Variants in MYO1H observed in about 807,000 individuals in gnomAD.
MYO1H encodes unconventional myosin-Ih.
Under a neutral mutation model 149.3 loss-of-function variants are expected in MYO1H, and 118 were observed. That is an observed-to-expected ratio of 0.79 (90% CI 0.68 to 0.92). The LOEUF (loss-of-function observed/expected upper bound fraction) is 0.92. MYO1H is among the 40% of genes least tolerant of loss of function. The pLI, the probability that MYO1H is intolerant of heterozygous loss-of-function variation, is 0.00. For synonymous variants in MYO1H, 447 were observed against 465.2 expected (o/e 0.96, Z 0.50); for missense variants, 1,212 against 1,280.7 (o/e 0.95, Z 0.82).
chr12:109,407,198 C>A (rs1188603622), intron 9 of MYO1H, among the ~76,000 whole-genome samples: 1 of 152,166 alleles, frequency 6.6e-6, no homozygotes, highest in Non-Finnish European at 1.5e-5. Flanking sequence ...CCTCAAGGAG[C>A]CTTCTCTGAT....
At chr12:109,406,102 G>T (rs1870372877) in intron 8 of MYO1H, 67 bp downstream of exon 8, 1 of 1,152,222 alleles carries the variant, frequency 8.7e-7, no homozygotes, top group Non-Finnish European at 1.3e-6. Context: ...GAGGTAGCTG[G>T]GTGCCCACAG....
At chr12:109,408,570 C>T (rs898564864) in intron 10 of MYO1H, among the ~76,000 whole-genome samples, 14 of 152,222 alleles carry the variant, frequency 9.2e-5, no homozygotes, top group African/African-American at 1.7e-4. Flanking sequence ...TTGAAACTCA[C>T]GCTTCAGTCA....
intron 19 of MYO1H, among the ~76,000 whole-genome samples, chr12:109,429,015 C>T (rs1871499899): frequency 6.6e-6 from 1 of 152,166 alleles, no homozygotes; most frequent in African/African-American, 2.4e-5. Flanking sequence ...TCAAGACCAG[C>T]CTGACCAACA....
intron 1 of MYO1H, among the ~76,000 whole-genome samples, chr12:109,352,112 G>A (rs1204467302): frequency 1.3e-5 from 2 of 152,130 alleles, no homozygotes; most frequent in African/African-American, 4.8e-5. Flanking sequence ...CTCTTTTGGG[G>A]AATGGATTCC....
At chr12:109,411,514 A>G (rs1870667491) in intron 13 of MYO1H, among the ~76,000 whole-genome samples, 1 of 152,258 alleles carries the variant, frequency 6.6e-6, no homozygotes, top group Admixed American at 6.5e-5. Context: ...CTGGTTTTAT[A>G]CCTTTCTTTC....
At chr12:109,447,193 C>T (rs765389758) in exon 32 of MYO1H, 10 of 1,592,906 alleles carry the variant, frequency 6.3e-6, no homozygotes, top group Middle Eastern at 1.7e-4. Flanking sequence ...TAGAGGATGA[C>T]GTCTGACCTC....
At chr12:109,392,474 G>A (rs532877377) in intron 2 of MYO1H, among the ~76,000 whole-genome samples, 1 of 152,308 alleles carries the variant, frequency 6.6e-6, no homozygotes, top group South Asian at 2.1e-4. Flanking sequence ...TGTAATCCCA[G>A]CACTTTGGGA....
At chr12:109,388,962 G>C (rs1869514962) in intron 2 of MYO1H, 118 bp downstream of exon 2, 1 of 1,285,518 alleles carries the variant, frequency 7.8e-7, no homozygotes, top group Admixed American at 2.4e-5. Flanking sequence ...GGGAGATACT[G>C]AGGCGCCACT....
chr12:109,441,643 T>C, exon 26 of MYO1H: 5 of 1,612,898 alleles, frequency 3.1e-6, no homozygotes, highest in Non-Finnish European at 4.2e-6. Flanking sequence ...ACAAGTGAAA[T>C]CTTCAGGGGA....
At chr12:109,405,717 TC>T (rs377200981) in intron 7 of MYO1H, among the ~76,000 whole-genome samples, 178 of 152,326 alleles carry the variant, frequency 1.2e-3, no homozygotes, top group South Asian at 3.3e-3. Context: ...TGAGGCTGTT[TC>T]CCTCTTCCCT....
At chr12:109,347,833 G>T (rs760864110), upstream of MYO1H, 8 of 397,430 alleles carry the variant, frequency 2.0e-5, no homozygotes, top group Non-Finnish European at 3.6e-5. Flanking sequence ...GCTCCACCCC[G>T]CAAGCTAGAA....
intron 6 of MYO1H, 56 bp downstream of exon 6, chr12:109,401,328 G>A: frequency 6.6e-7 from 1 of 1,518,314 alleles, no homozygotes; most frequent in Non-Finnish European, 8.9e-7. Flanking sequence ...GATCAGAGAT[G>A]TTTCTACGTG....
At chr12:109,343,855 G>A (rs1325334045), upstream of MYO1H, among the ~76,000 whole-genome samples, 2 of 152,170 alleles carry the variant, frequency 1.3e-5, no homozygotes, top group Non-Finnish European at 2.9e-5. Flanking sequence ...GGGGACTTCT[G>A]TTCATTGCAC....
chr12:109,383,823 G>A (rs1238127126), intron 1 of MYO1H, among the ~76,000 whole-genome samples: 2 of 152,128 alleles, frequency 1.3e-5, no homozygotes, highest in Non-Finnish European at 2.9e-5. Context: ...TGGCCTCCCT[G>A]TCATCTCCCC....
chr12:109,444,483 G>C (rs748381315), exon 30 of MYO1H: 2 of 1,613,990 alleles, frequency 1.2e-6, no homozygotes, highest in Non-Finnish European at 1.7e-6. Context: ...TACTAAACTC[G>C]TCATGCTGGT....
At chr12:109,328,501 A>G in the MYO1H span, among the ~76,000 whole-genome samples, 3 of 152,204 alleles carry the variant, frequency 2.0e-5, no homozygotes, top group Admixed American at 2.0e-4. Flanking sequence ...TGGCTTTAGT[A>G]TCCCTTTTAA....
chr12:109,327,739 C>CAAAAAAAAAAAAAA, the MYO1H span, among the ~76,000 whole-genome samples: 3 of 85,654 alleles, frequency 3.5e-5, no homozygotes, highest in African/African-American at 4.5e-5. Context: ...AAAACTGTCT[C>CAAAAAAAAAAAAAA]AAAAAAAAAA....
rs112711835 is a variant in MYO1H, at chr12:109,380,369, C to T, written c.13-8314C>T. On this transcript the variant is annotated intron_variant, in intron 1 of 31. Transcript: ENST00000310903. ...TTAAAAATCAATCCGCTGACATAAACGGTAAAATGAAAAAAAAATGTACAT... is the reference window on the plus strand; with the variant it reads ...TTAAAAATCAATCCGCTGACATAAATGGTAAAATGAAAAAAAAATGTACAT... 2.5e-3 allele frequency among the ~76,000 whole-genome samples: 372 copies of T among 150,968 alleles called. 2 individuals are homozygous for T. Among genetic ancestry groups the T allele is most frequent in the African/African-American group, 8.7e-3 (354 of 40,690 alleles).
chr12:109,420,298 G>GC (rs1256472119), intron 15 of MYO1H, among the ~76,000 whole-genome samples: 3 of 152,012 alleles, frequency 2.0e-5, no homozygotes, highest in Middle Eastern at 6.8e-3. Flanking sequence ...CATGTTACCC[G>GC]CCCCCCGGAG....
Sources: gnomAD v4.1 joint callset for allele counts (sites outside exome capture counted in the v4.1 genomes callset) on GRCh38, gnomAD v4.1.1 for gene constraint, MANE v1.5 for transcripts, NCBI Gene and HGNC (gene_info 2026-07-23, HGNC 2026-07-21) for gene names.